TBC1D5: variants seen among roughly 807,000 people sequenced by gnomAD.
TBC1D5 encodes the protein TBC1 domain family member 5.
Under a neutral mutation model 100.3 loss-of-function variants are expected in TBC1D5, and 75 were observed. The observed-to-expected ratio is 0.75, with a 90% CI of 0.62 to 0.91. The LOEUF (loss-of-function observed/expected upper bound fraction) is 0.91. Ranked by LOEUF, TBC1D5 falls within the 40% of genes least tolerant of loss-of-function variation. The pLI, the probability that TBC1D5 is intolerant of heterozygous loss-of-function variation, is 0.00. For synonymous variants in TBC1D5, 323 were observed against 325.6 expected (o/e 0.99, Z 0.09); for missense variants, 910 against 942.4 (o/e 0.97, Z 0.45).
chr3:17,369,244 AAGAC>A (rs987721778), intron 13 of TBC1D5, among the ~76,000 whole-genome samples: 9 of 152,180 alleles, frequency 5.9e-5, no homozygotes, highest in African/African-American at 2.2e-4. Flanking sequence ...AAAAAAGTCA[AAGAC>A]AGAGTTGGAA....
At chr3:17,452,017 G>A (rs1279567401) in intron 3 of TBC1D5, among the ~76,000 whole-genome samples, 1 of 152,066 alleles carries the variant, frequency 6.6e-6, no homozygotes, top group African/African-American at 2.4e-5. Context: ...ACTCCAAAGG[G>A]TCAGAAATAA....
intron 3 of TBC1D5, among the ~76,000 whole-genome samples, chr3:17,480,404 C>T (rs956786182): frequency 6.6e-6 from 1 of 152,218 alleles, no homozygotes; most frequent in Non-Finnish European, 1.5e-5. Context: ...GGTGAAGCCC[C>T]TGCCAGGAGT....
At chr3:17,309,495 T>C (rs1473188306) in intron 13 of TBC1D5, among the ~76,000 whole-genome samples, 1 of 152,068 alleles carries the variant, frequency 6.6e-6, no homozygotes. Context: ...GTTTTAAATG[T>C]TCAATTTTTA....
At chr3:17,160,747 C>G in exon 22 of TBC1D5, 1 of 584,040 alleles carries the variant, frequency 1.7e-6, no homozygotes, top group Non-Finnish European at 2.9e-6. Context: ...GGTAAGGGCC[C>G]AGAAAGCCCT....
At chr3:17,685,253 A>C (rs532430782) in intron 1 of TBC1D5, among the ~76,000 whole-genome samples, 4 of 152,154 alleles carry the variant, frequency 2.6e-5, no homozygotes, top group African/African-American at 9.6e-5. Context: ...CTTAGAGCTG[A>C]TACTTTAATT....
chr3:17,517,563 G>GA (rs1418869958), intron 2 of TBC1D5, among the ~76,000 whole-genome samples: 8 of 152,052 alleles, frequency 5.3e-5, no homozygotes, highest in African/African-American at 1.2e-4. Flanking sequence ...TAATATTCAT[G>GA]AAAAAAGTTA....
chr3:17,178,389 C>T (rs1422867042), intron 19 of TBC1D5, among the ~76,000 whole-genome samples: 1 of 151,980 alleles, frequency 6.6e-6, no homozygotes, highest in Non-Finnish European at 1.5e-5. Context: ...TTATATATAC[C>T]ACATTTTCTT....
intron 3 of TBC1D5, chr3:17,465,347 T>C: frequency 1.6e-5 from 3 of 186,534 alleles, no homozygotes; most frequent in South Asian, 2.4e-4. Flanking sequence ...AACAAAGCTG[T>C]CTGGGCCAAA....
chr3:17,704,995 C>T (rs1384293480), intron 1 of TBC1D5, among the ~76,000 whole-genome samples: 13 of 108,814 alleles, frequency 1.2e-4, no homozygotes, highest in East Asian at 3.2e-4. Context: ...GCTGGCCGGG[C>T]GGAGGGCTGA....
rs776252586 is a variant in TBC1D5 at position 17,404,916 on chromosome 3, T to C, written c.322A>G (p.Arg108Gly). ...TACCATGCTCTTAATTCTTCAATTC[T>C]ACTTATCCATTGACTTTTGTCTTGA... is the stretch of plus-strand genomic sequence containing the variant. The change falls in exon 6 of 22, where the codon AGA (arginine) becomes GGA (glycine). Residue 108 changes from arginine to glycine, a missense_variant. Coordinates refer to ENST00000253692, the Ensembl canonical transcript of TBC1D5. The C allele has an allele frequency of 2.5e-6, 4 of 1,601,072 alleles. No homozygotes were observed. In the South Asian group the frequency reaches 4.5e-5, roughly 18 times the overall value.
intron 1 of TBC1D5, among the ~76,000 whole-genome samples, chr3:17,634,605 A>G (rs1284284045): frequency 1.4e-5 from 2 of 146,876 alleles, no homozygotes; most frequent in African/African-American, 5.0e-5. Flanking sequence ...AATAGAGGGG[A>G]CGTGGGGATG....
At chr3:17,619,116 C>CT (rs1398269190) in intron 2 of TBC1D5, among the ~76,000 whole-genome samples, 1 of 152,020 alleles carries the variant, frequency 6.6e-6, no homozygotes, top group African/African-American at 2.4e-5. Flanking sequence ...TGTTCAAAAC[C>CT]TACATAAAGA....
intron 1 of TBC1D5, among the ~76,000 whole-genome samples, chr3:17,652,040 C>G (rs2065627533): frequency 6.6e-6 from 1 of 152,100 alleles, no homozygotes; most frequent in African/African-American, 2.4e-5. Flanking sequence ...AACAAGATGA[C>G]CTAGGACTAA....
intron 3 of TBC1D5, among the ~76,000 whole-genome samples, chr3:17,497,365 A>G (rs2095725911): frequency 6.6e-6 from 1 of 152,220 alleles, no homozygotes; most frequent in African/African-American, 2.4e-5. Context: ...TGAATTCCAT[A>G]AGAGAAAGCA....
At chr3:17,648,662 G>A (rs552279938) in intron 1 of TBC1D5, among the ~76,000 whole-genome samples, 3 of 150,484 alleles carry the variant, frequency 2.0e-5, no homozygotes, top group Non-Finnish European at 4.4e-5. Context: ...CTGAAAAGTC[G>A]CCAAAAAACA....
intron 4 of TBC1D5, among the ~76,000 whole-genome samples, chr3:17,413,469 G>T (rs2093988803): frequency 6.6e-6 from 1 of 152,154 alleles, no homozygotes; most frequent in African/African-American, 2.4e-5. Flanking sequence ...ATCAGAATAT[G>T]TAGTGGATAA....
chr3:17,622,784 A>G (rs1412694070), intron 2 of TBC1D5: 1 of 152,192 alleles, frequency 6.6e-6, no homozygotes, highest in African/African-American at 2.4e-5. Context: ...AATATACCAT[A>G]GAACACACTT....
chr3:17,236,301 G>A (rs961981041), intron 17 of TBC1D5, among the ~76,000 whole-genome samples: 5 of 152,076 alleles, frequency 3.3e-5, no homozygotes, highest in African/African-American at 1.2e-4. Flanking sequence ...TATTGAAATC[G>A]TATTTGTTTA....
chr3:17,710,564 CAATAAATAAATAAATA>C (rs200722930), intron 1 of TBC1D5, among the ~76,000 whole-genome samples: 5 of 148,970 alleles, frequency 3.4e-5, no homozygotes, highest in Non-Finnish European at 5.9e-5. Flanking sequence ...AACTCCATCT[CAATAAATAAATAAATA>C]AATAAATAAA....
Sources: allele counts gnomAD v4.1 joint callset (sites outside exome capture counted in the v4.1 genomes callset), GRCh38; gene constraint gnomAD v4.1.1; transcripts MANE v1.5; gene names NCBI Gene and HGNC (gene_info 2026-07-23, HGNC 2026-07-21).